Variants in PPM1N observed in about 807,000 individuals in gnomAD.
The protein encoded by PPM1N is probable protein phosphatase 1N.
In PPM1N, 35 loss-of-function variants were observed where a neutral mutation model predicts 32.6. That is an observed-to-expected ratio of 1.07 (90% CI 0.82 to 1.43). The LOEUF (loss-of-function observed/expected upper bound fraction) is 1.43, where lower values mean the gene tolerates loss of function less well. Ranked by LOEUF, PPM1N falls within the 40% of genes most tolerant of loss-of-function variation. The pLI is 0.00. For synonymous variants in PPM1N, 275 were observed against 270.5 expected, an observed-to-expected ratio of 1.02 and a Z score of -0.16; for missense variants, 648 against 606.6, an observed-to-expected ratio of 1.07 and a Z score of -0.72.
Position 45,498,745 on chromosome 19 carries a change from T to C in PPM1N, c.273T>C (p.Gly91=), listed in dbSNP as rs746845266. The part of the protein sequence containing the change: ...DAHCTWLSLP[G]LPPGWALFAV... ...ACTGCACTTGGCTTTCGTTACCTGG[T>C]CTGCCCCCGGGCTGGGCCTTGTTTG... The change falls in exon 1 of 5, where the codon GGT becomes GGC. Residue 91 remains glycine (G), a synonymous_variant. Transcript: ENST00000451287. 20 of 1,556,182 alleles carry C rather than the reference T, an allele frequency of 1.3e-5. No individual in the cohort carries two copies. Among genetic ancestry groups the C allele is most frequent in the Non-Finnish European group, 1.6e-5 (19 of 1,155,364 alleles).
In PPM1N at chr19:45,498,494, C is replaced by T. The variant is rs1351492551; in HGVS notation, c.22C>T (p.Leu8=). The T allele has an allele frequency of 2.9e-6, 4 of 1,357,874 alleles. No individual in the cohort carries two copies. The highest frequency in any genetic ancestry group is 3.8e-6 in the Non-Finnish European group (4 of 1,053,510). The allele number at this position is 1,357,874 out of a possible 1,614,324, so 84.1% of individuals were successfully genotyped here. ...AAGGATGGCGGTCCTGGCCCGCCAG[C>T]TGCAGCGTCTCCTCTGGACCGCTTG... is the stretch of plus-strand genomic sequence containing the variant. MAVLARQ[L]QRLLWTACKK... is the part of the protein sequence containing the mutation. The change falls in exon 1 of 5, where the codon CTG becomes TTG. Residue 8 remains leucine (L), a synonymous_variant. Transcript: ENST00000451287.
rs1047210261 is a variant in PPM1N, at chr19:45,500,690, G to A, written c.1204G>A (p.Val402Ile). The A allele has an allele frequency of 6.2e-7, 1 of 1,604,210 alleles. No individual in the cohort carries two copies. The highest frequency in any genetic ancestry group is 1.1e-5 in the South Asian group (1 of 88,738). Residue 402 changes from valine to isoleucine, a missense_variant, in exon 4 of 5, where the codon GTC becomes ATC. By Grantham distance (29) the Val-to-Ile change is conservative. Transcript: ENST00000451287. ...IAEVYSQICQVSEECGEKGQD... is the reference protein window; with the variant it reads ...IAEVYSQICQISEECGEKGQD... ...TGAAGTTTATTCTCAGATCTGCCAG[G>A]TCTCAGAAGAGTGCGGAGAGGTAAG...
Position 45,498,594 on chromosome 19 carries a change from G to A in PPM1N, c.122G>A (p.Gly41Glu). Residue 41 changes from glycine (G) to glutamate (E), a missense_variant, in exon 1 of 5, where the codon GGG (glycine) becomes GAG (glutamate). Gly to Glu is a moderately conservative substitution (Grantham distance 98, BLOSUM62 -2). Coordinates refer to ENST00000451287, the MANE Select transcript of PPM1N (RefSeq NM_001080401.2). Reference sequence around the variant, plus strand: ...GAGGCGGGGCGCAGGGCCCCCGAAGGGCCTCGGTCTCTGTTGACAGCGCCG... The same window carrying A: ...GAGGCGGGGCGCAGGGCCCCCGAAGAGCCTCGGTCTCTGTTGACAGCGCCG... The part of the protein sequence containing the change: ...EEEAGRRAPE[G>E]PRSLLTAPRR... The A allele has an allele frequency of 6.9e-7, 1 of 1,456,294 alleles. No homozygotes were observed. Among genetic ancestry groups the A allele is most frequent in the Non-Finnish European group, 9.0e-7 (1 of 1,108,976 alleles). The allele number at this position is 1,456,294 out of a possible 1,614,324, so 90.2% of individuals were successfully genotyped here. A position where few individuals can be genotyped will look rare whatever the true frequency, so the allele number is the denominator to read the frequency against.
Position 45,498,550 on chromosome 19 carries a change from G to A in PPM1N, c.78G>A (p.Arg26=). 2.7e-6 allele frequency: 4 copies of A among 1,456,450 alleles called. No homozygotes were observed. In the South Asian group the frequency reaches 5.6e-5, roughly 20 times the overall value. The allele number at this position is 1,456,450 out of a possible 1,614,324, so 90.2% of individuals were successfully genotyped here. A position where few individuals can be genotyped will look rare whatever the true frequency, so the allele number is the denominator to read the frequency against. ...CKKKEREKEG[R]EEEEEEEAGR... is the part of the protein sequence containing the mutation. Reference sequence around the variant, plus strand: ...AAAAGGAGAGGGAGAAGGAGGGGAGGGAGGAAGAGGAGGAGGAGGAGGCGG... The same window carrying A: ...AAAAGGAGAGGGAGAAGGAGGGGAGAGAGGAAGAGGAGGAGGAGGAGGCGG... The change falls in exon 1 of 5, where the codon AGG becomes AGA. Residue 26 remains arginine (R), a synonymous_variant. Transcript: ENST00000451287.
At position 45,499,469 on chromosome 19, in the gene PPM1N, CGG is replaced by C. The variant is rs746399576; in HGVS notation, c.939+61_939+62del. 3.0e-5 allele frequency: 48 copies of C among 1,598,218 alleles called. No individual in the cohort carries two copies. In the South Asian group the frequency reaches 5.3e-4, roughly 18 times the overall value. On this transcript the variant is annotated intron_variant, in intron 1 of 4. Coordinates refer to ENST00000451287, the MANE Select transcript of PPM1N (RefSeq NM_001080401.2). ...TTGGTGCAGCAGAGGGAGAGAGCCT[CGG>C]GGTTTTGGGGAGGAGGGCTTTGATA...
rs1968429413 is a variant in PPM1N, at chr19:45,502,318, AAAAAAAAAAAAAAAAAC to A, written c.*241_*257del. 3.8e-6 allele frequency: 2 copies of A among 524,222 alleles called. No homozygotes were observed. Among genetic ancestry groups the A allele is most frequent in the Non-Finnish European group, 6.6e-6 (2 of 303,220 alleles). The allele number at this position is 524,222 out of a possible 1,614,324, so 32.5% of individuals were successfully genotyped here. On this transcript the variant is annotated 3_prime_UTR_variant, in exon 5 of 5. Coordinates refer to ENST00000451287, the MANE Select transcript of PPM1N (RefSeq NM_001080401.2). ...AAAAAAGCCCAAATCGAAAAAAAAA[AAAAAAAAAAAAAAAAAC>A]AAAAAAACCCAACCAAATGTTTTTG...
intron 1 of PPM1N, 56 bp downstream of exon 1, chr19:45,499,467 C>G: frequency 6.3e-7 from 1 of 1,598,778 alleles, no homozygotes; most frequent in Non-Finnish European, 8.5e-7. Flanking sequence ...GGGAGAGAGC[C>G]TCGGGGTTTT....
rs1299466603 is a variant in PPM1N, at chr19:45,498,900, C to G, written c.428C>G (p.Ala143Gly). The part of the protein sequence containing the change: ...PEGVREALRR[A>G]FLSADERLRS... ...GGCGTGCGCGAGGCGCTGCGCCGAG[C>G]CTTCTTGAGCGCCGACGAGCGCCTG... is the stretch of plus-strand genomic sequence containing the variant. The change falls in exon 1 of 5, where the codon GCC (alanine) becomes GGC (glycine). Residue 143 changes from alanine to glycine, a missense_variant. Ala to Gly is a moderately conservative substitution (Grantham distance 60). Coordinates refer to ENST00000451287, the MANE Select transcript of PPM1N (RefSeq NM_001080401.2). The G allele has an allele frequency of 6.6e-6, 10 of 1,522,994 alleles. No homozygotes were observed. The highest frequency in any genetic ancestry group is 3.7e-5 in the South Asian group (3 of 81,666). The allele number at this position is 1,522,994 out of a possible 1,614,324, so 94.3% of individuals were successfully genotyped here. A position where few individuals can be genotyped will look rare whatever the true frequency, so the allele number is the denominator to read the frequency against.
chr19:45,498,862 T>C lies in PPM1N; in HGVS notation c.390T>C (p.Pro130=), dbSNP rs1451365382. The part of the protein sequence containing the change: ...GHVLQELGPE[P]SEPEGVREAL... The stretch of plus-strand genomic sequence containing the variant: ...TGCTCCAGGAGCTGGGCCCGGAGCC[T>C]AGCGAGCCCGAGGGCGTGCGCGAGG... Residue 130 remains proline, a synonymous_variant, in exon 1 of 5, where the codon CCT becomes CCC. Coordinates refer to ENST00000451287, the MANE Select transcript of PPM1N (RefSeq NM_001080401.2). The C allele has an allele frequency of 1.3e-6, 2 of 1,524,284 alleles. No homozygotes were observed. Among genetic ancestry groups the C allele is most frequent in the Non-Finnish European group, 1.7e-6 (2 of 1,145,586 alleles). The allele number at this position is 1,524,284 out of a possible 1,614,324, so 94.4% of individuals were successfully genotyped here.
At position 45,499,201 on chromosome 19, in the gene PPM1N, G is replaced by T. The variant is rs1201171039; in HGVS notation, c.729G>T (p.Gly243=). The T allele has an allele frequency of 6.4e-7, 1 of 1,558,330 alleles. No homozygotes were observed. The highest frequency in any genetic ancestry group is 8.6e-7 in the Non-Finnish European group (1 of 1,158,824). The change falls in exon 1 of 5, where the codon GGG becomes GGT. Residue 243 remains glycine (G), a synonymous_variant. Coordinates refer to ENST00000451287, the MANE Select transcript of PPM1N (RefSeq NM_001080401.2). ...ACTTTACCTACAAGGAGGCTCCGGG[G>T]AGGCCCCCCGAGCTACAGCTCGTTT... The part of the protein sequence containing the change: ...LGDFTYKEAP[G]RPPELQLVSA...
chr19:45,502,230 T>C lies in PPM1N; in HGVS notation c.*145T>C. ...CCAAAATGCTTATTTCTTCTTCTCT[T>C]ACTTCCCTCTCACAGAAAAGTCTTA... On this transcript the variant is annotated 3_prime_UTR_variant, in exon 5 of 5. Transcript: ENST00000451287. The C allele has an allele frequency of 1.7e-6, 1 of 603,476 alleles. No individual in the cohort carries two copies. Among genetic ancestry groups the C allele is most frequent in the African/African-American group, 2.0e-5 (1 of 49,050 alleles). The allele number at this position is 603,476 out of a possible 1,614,324, so 37.4% of individuals were successfully genotyped here.
Position 45,499,384 on chromosome 19 carries a change from G to A in PPM1N, c.912G>A (p.Ala304=), listed in dbSNP as rs764296211. 1.7e-5 allele frequency: 27 copies of A among 1,606,130 alleles called. No individual in the cohort carries two copies. The South Asian group carries it at 2.7e-4, about 16-fold the overall frequency. ...GCCTGGCCCCAGAGCTTCTCTGCGCGCAGCTGTTGGACACGTGTCTGTGCA... is the reference window on the plus strand; with the variant it reads ...GCCTGGCCCCAGAGCTTCTCTGCGCACAGCTGTTGGACACGTGTCTGTGCA... ...RLGLAPELLC[A]QLLDTCLCKG... is the part of the protein sequence containing the mutation. Residue 304 remains alanine (A), a synonymous_variant, in exon 1 of 5, where the codon GCG becomes GCA. Coordinates refer to ENST00000451287, the MANE Select transcript of PPM1N (RefSeq NM_001080401.2).
chr19:45,499,577 C>A, intron 1 of PPM1N, 166 bp downstream of exon 1: 1 of 1,549,732 alleles, frequency 6.5e-7, no homozygotes, highest in Non-Finnish European at 8.7e-7. Context: ...GGCCAAAATA[C>A]AGGGGCGGAG....
In PPM1N at chr19:45,499,399, G is replaced by A; in HGVS notation, c.927G>A (p.Thr309=). The change falls in exon 1 of 5, where the codon ACG becomes ACA. Residue 309 remains threonine (T), a synonymous_variant. Transcript: ENST00000451287. ...PELLCAQLLD[T]CLCKGSLDNM... ...TTCTCTGCGCGCAGCTGTTGGACAC[G>A]TGTCTGTGCAAGGTCCTGGGGGCGT... 2 of 1,604,776 alleles carry A rather than the reference G, an allele frequency of 1.2e-6. No homozygotes were observed. The highest frequency in any genetic ancestry group is 8.5e-7 in the Non-Finnish European group (1 of 1,176,178).
In PPM1N at chr19:45,498,466, C is replaced by A; in HGVS notation, c.-7C>A. The A allele has an allele frequency of 7.4e-7, 1 of 1,348,392 alleles. No homozygotes were observed. The highest frequency in any genetic ancestry group is 9.5e-7 in the Non-Finnish European group (1 of 1,048,740). 83.5% of individuals were successfully genotyped at this position (1,348,392 alleles called of 1,614,324 possible). Reference sequence around the variant, plus strand: ...GGGTGGAGCCTTCCTGATCCCAGGGCTGAAGGATGGCGGTCCTGGCCCGCC... The same window carrying A: ...GGGTGGAGCCTTCCTGATCCCAGGGATGAAGGATGGCGGTCCTGGCCCGCC... On this transcript the variant is annotated 5_prime_UTR_variant, in exon 1 of 5. The change creates a new upstream start codon in the 5' untranslated region. Transcript: ENST00000451287.
rs1174782928 is a variant in PPM1N, at chr19:45,502,335, CAAA to C, written c.*255_*257del. 3.0e-6 allele frequency: 1 copy of C among 338,172 alleles called. No individual in the cohort carries two copies. Among genetic ancestry groups the C allele is most frequent in the Non-Finnish European group, 4.8e-6 (1 of 206,714 alleles). 20.9% of individuals were successfully genotyped at this position (338,172 alleles called of 1,614,324 possible). ...AAAAAAAAAAAAAAAAAAAAAAAAA[CAAA>C]AAAACCCAACCAAATGTTTTTGAAA... On this transcript the variant is annotated 3_prime_UTR_variant, in exon 5 of 5. Coordinates refer to ENST00000451287, the MANE Select transcript of PPM1N (RefSeq NM_001080401.2).
At position 45,499,266 on chromosome 19, in the gene PPM1N, A is replaced by G; in HGVS notation, c.794A>G (p.Glu265Gly). The G allele has an allele frequency of 6.2e-7, 1 of 1,611,218 alleles. No homozygotes were observed. Among genetic ancestry groups the G allele is most frequent in the Non-Finnish European group, 8.5e-7 (1 of 1,179,278 alleles). Residue 265 changes from glutamate (E) to glycine (G), a missense_variant, in exon 1 of 5, where the codon GAG becomes GGG. Coordinates refer to ENST00000451287, the MANE Select transcript of PPM1N (RefSeq NM_001080401.2). Reference protein sequence around the residue: ...PEVAALARQAEDEFMLLASDG... With the variant: ...PEVAALARQAGDEFMLLASDG... ...GTGGCCGCACTGGCACGCCAGGCTG[A>G]GGACGAGTTCATGCTCCTGGCCTCT...
rs1009439935 is a variant in PPM1N at position 45,498,696 on chromosome 19, G to A, written c.224G>A (p.Trp75Ter). ...LRFGASAAQGWRARMEDAHCT... is the reference protein window; with the variant it reads ...LRFGASAAQG ...TTCGGGGCGAGCGCAGCGCAAGGCT[G>A]GCGCGCGCGCATGGAGGATGCTCAC... is the stretch of plus-strand genomic sequence containing the variant. The change falls in exon 1 of 5, where the codon TGG becomes TAG. Residue 75 changes from tryptophan (W) to a stop codon, truncating the protein, a stop_gained. Coordinates refer to ENST00000451287, the MANE Select transcript of PPM1N (RefSeq NM_001080401.2). LOFTEE classifies it high-confidence loss of function. The A allele has an allele frequency of 2.0e-6, 3 of 1,491,960 alleles. No individual in the cohort carries two copies. Among genetic ancestry groups the A allele is most frequent in the African/African-American group, 1.5e-5 (1 of 68,298 alleles). 92.4% of individuals were successfully genotyped at this position (1,491,960 alleles called of 1,614,324 possible). A position where few individuals can be genotyped will look rare whatever the true frequency, so the allele number is the denominator to read the frequency against.
Position 45,498,574 on chromosome 19 carries a change from G to A in PPM1N, c.102G>A (p.Ala34=), listed in dbSNP as rs1252678995. The change falls in exon 1 of 5, where the codon GCG becomes GCA. Residue 34 remains alanine (A), a synonymous_variant. Coordinates refer to ENST00000451287, the MANE Select transcript of PPM1N (RefSeq NM_001080401.2). ...GGGAGGAAGAGGAGGAGGAGGAGGC[G>A]GGGCGCAGGGCCCCCGAAGGGCCTC... ...EGREEEEEEE[A]GRRAPEGPRS... 2.7e-6 allele frequency: 4 copies of A among 1,460,440 alleles called. No homozygotes were observed. The highest frequency in any genetic ancestry group is 3.6e-6 in the Non-Finnish European group (4 of 1,111,188). 90.5% of individuals were successfully genotyped at this position (1,460,440 alleles called of 1,614,324 possible).
Sources: allele counts gnomAD v4.1 joint callset, GRCh38; gene constraint gnomAD v4.1.1; transcripts MANE v1.5; gene names NCBI Gene and HGNC (gene_info 2026-07-23, HGNC 2026-07-21).